PLSCR2: variants seen among roughly 807,000 people sequenced by gnomAD.
PLSCR2 encodes PL scramblase 2.
In PLSCR2, 18 loss-of-function variants were observed where a neutral mutation model predicts 25.3. The ratio of observed to expected loss-of-function variants is 0.71; its 90% CI spans 0.49 to 1.06. The LOEUF is 1.06. Ranked by LOEUF, PLSCR2 falls within the 50% of genes least tolerant of loss-of-function variation. PLSCR2 has a pLI of 0.00. For synonymous variants in PLSCR2, 88 were observed against 87.3 expected, an observed-to-expected ratio of 1.01 and a Z score of -0.04; for missense variants, 243 against 269.5, an observed-to-expected ratio of 0.90 and a Z score of 0.69.
At chr3:146,469,802 G>A (rs191736090) in intron 1 of PLSCR2, among the ~76,000 whole-genome samples, 1 of 133,260 alleles carries the variant, frequency 7.5e-6, no homozygotes, top group East Asian at 2.6e-4. Context: ...CGTGTGCGAC[G>A]CGCAGCTGCC....
At chr3:146,473,303 C>CTTTT (rs35755415) in intron 1 of PLSCR2, among the ~76,000 whole-genome samples, 1,814 of 121,304 alleles carry the variant, frequency 0.015, 73 homozygotes, top group African/African-American at 0.049. Flanking sequence ...AAAGTACTAT[C>CTTTT]TTTTTTTTTT....
intron 2 of PLSCR2, among the ~76,000 whole-genome samples, chr3:146,397,427 C>T (rs964854844): frequency 8.5e-5 from 13 of 152,098 alleles, no homozygotes; most frequent in Non-Finnish European, 1.2e-4. Flanking sequence ...TTCATTGCCT[C>T]ACTCTAGTTC....
intron 1 of PLSCR2, among the ~76,000 whole-genome samples, chr3:146,478,317 A>G (rs868187461): frequency 1.3e-5 from 2 of 152,206 alleles, no homozygotes; most frequent in Non-Finnish European, 2.9e-5. Context: ...GTTCTAACCC[A>G]TTGCAAGGAA....
At chr3:146,459,804 A>G (rs1235562136) in intron 2 of PLSCR2, 44 bp downstream of exon 2, 1 of 1,306,822 alleles carries the variant, frequency 7.7e-7, no homozygotes, top group Non-Finnish European at 1.1e-6. Flanking sequence ...AACCAGAAAG[A>G]GAGTTTTTTT....
chr3:146,480,918 G>C lies in PLSCR2; in HGVS notation c.-293+14977C>G, dbSNP rs189135897. On this transcript the variant is annotated intron_variant, in intron 1 of 8. Coordinates refer to the PLSCR2 transcript ENST00000336685. ...GTCAGCTTCATACCTGGGATGCAAG[G>C]GTGGTTCAACATATGCAAATCAATA... Among the ~76,000 whole-genome samples, 14 of 152,138 alleles carry C rather than the reference G, an allele frequency of 9.2e-5. 2 individuals are homozygous for C. In the South Asian group the frequency reaches 2.7e-3, roughly 29 times the overall value.
intron 2 of PLSCR2, among the ~76,000 whole-genome samples, chr3:146,402,624 T>C (rs1477369507): frequency 1.3e-5 from 2 of 152,048 alleles, no homozygotes; most frequent in South Asian, 2.1e-4. Context: ...CGTGCCACCA[T>C]ACCCAGCTAA....
At chr3:146,434,972 C>T (rs973596664) in intron 8 of PLSCR2, among the ~76,000 whole-genome samples, 1 of 137,792 alleles carries the variant, frequency 7.3e-6, no homozygotes. Flanking sequence ...CATCCTGTGT[C>T]CAAGTGTTCT....
intron 1 of PLSCR2, chr3:146,495,078 G>A (rs1179132441): frequency 6.6e-6 from 1 of 152,172 alleles, no homozygotes; most frequent in African/African-American, 2.4e-5. Context: ...ATAATGGATT[G>A]GGAAAGAGGA....
At position 146,458,081 on chromosome 3, in the gene PLSCR2, T is replaced by C. The variant is rs76574420; in HGVS notation, c.100+330A>G. On this transcript the variant is annotated intron_variant, in intron 3 of 6. Transcript: ENST00000610787. Reference sequence around the variant, plus strand: ...AAATGCTATGTAAAGAGTTGTTACATTGTACTGCTTAGGAAATAGTGACAA... The same window carrying C: ...AAATGCTATGTAAAGAGTTGTTACACTGTACTGCTTAGGAAATAGTGACAA... 7.3e-3 allele frequency among the ~76,000 whole-genome samples: 1,118 copies of C among 152,322 alleles called. 14 individuals are homozygous for C. The highest frequency in any genetic ancestry group is 0.026 in the African/African-American group (1,067 of 41,566).
intron 1 of PLSCR2, among the ~76,000 whole-genome samples, chr3:146,467,248 T>C (rs76774339): frequency 0.19 from 28,948 of 152,118 alleles, 3,555 homozygotes; most frequent in Admixed American, 0.31. Context: ...CCAACTGAAA[T>C]TGTAGTAGTA....
At chr3:146,474,329 A>G (rs2042215689) in intron 1 of PLSCR2, among the ~76,000 whole-genome samples, 1 of 152,150 alleles carries the variant, frequency 6.6e-6, no homozygotes, top group South Asian at 2.1e-4. Flanking sequence ...CACGGCACCA[A>G]GGGGGAAAAG....
At chr3:146,446,930 C>A (rs951671373) in intron 6 of PLSCR2, among the ~76,000 whole-genome samples, 1 of 152,160 alleles carries the variant, frequency 6.6e-6, no homozygotes, top group African/African-American at 2.4e-5. Context: ...TCTCATTGGC[C>A]ACCACCACCC....
intron 5 of PLSCR2, among the ~76,000 whole-genome samples, chr3:146,451,249 G>A (rs908152814): frequency 6.6e-6 from 1 of 151,636 alleles, no homozygotes; most frequent in African/African-American, 2.4e-5. Context: ...CGAGTAGCTG[G>A]GATTACAGGC....
chr3:146,425,595 A>G (rs2039315780), intron 2 of PLSCR2, among the ~76,000 whole-genome samples: 1 of 152,214 alleles, frequency 6.6e-6, no homozygotes, highest in Non-Finnish European at 1.5e-5. Flanking sequence ...GCAATGGGCC[A>G]GGCTGAAAGG....
At chr3:146,485,878 A>G (rs962182857) in intron 1 of PLSCR2, among the ~76,000 whole-genome samples, 1 of 152,114 alleles carries the variant, frequency 6.6e-6, no homozygotes, top group African/African-American at 2.4e-5. Context: ...GCAGGCAAAA[A>G]GAGAGCTAGT....
chr3:146,484,589 C>T (rs990705687), intron 1 of PLSCR2, among the ~76,000 whole-genome samples: 1 of 152,108 alleles, frequency 6.6e-6, no homozygotes, highest in African/African-American at 2.4e-5. Flanking sequence ...AACAACAGAC[C>T]TCTCAAGAGA....
At chr3:146,424,892 C>CA (rs2039285922) in intron 2 of PLSCR2, among the ~76,000 whole-genome samples, 1 of 71,304 alleles carries the variant, frequency 1.4e-5, no homozygotes, top group African/African-American at 4.6e-5. Flanking sequence ...GTGATGCTGG[C>CA]AATACAGATA....
At chr3:146,494,214 C>T (rs1227095494) in intron 1 of PLSCR2, among the ~76,000 whole-genome samples, 1 of 151,980 alleles carries the variant, frequency 6.6e-6, no homozygotes, top group East Asian at 1.9e-4. Flanking sequence ...AGCCCTTATT[C>T]TGAATTGTTT....
intron 2 of PLSCR2, among the ~76,000 whole-genome samples, chr3:146,410,923 C>A (rs1457447981): frequency 6.6e-6 from 1 of 152,110 alleles, no homozygotes; most frequent in South Asian, 2.1e-4. Context: ...AAGCTATGCC[C>A]GATGCTGCCT....
Sources: gnomAD v4.1 joint callset for allele counts (sites outside exome capture counted in the v4.1 genomes callset) on GRCh38, gnomAD v4.1.1 for gene constraint, MANE v1.5 for transcripts, NCBI Gene and HGNC (gene_info 2026-07-23, HGNC 2026-07-21) for gene names.